Variants in RIOK1 observed in about 807,000 individuals in gnomAD.
The protein encoded by RIOK1 is RIO kinase 1, also known as serine/threonine-protein kinase RIO1.
In RIOK1, 66 loss-of-function variants were observed where a neutral mutation model predicts 73.5. The observed-to-expected ratio is 0.90, with a 90% confidence interval of 0.74 to 1.10. The LOEUF (loss-of-function observed/expected upper bound fraction) is 1.10. Among genes scored for constraint, RIOK1 ranks in the 50% least tolerant of loss-of-function variants. The pLI, the probability that RIOK1 is intolerant of heterozygous loss-of-function variation, is 0.00. For synonymous variants in RIOK1, 224 were observed against 226.8 expected (o/e 0.99, Z 0.11); for missense variants, 658 against 699.8 (o/e 0.94, Z 0.67).
In RIOK1 at chr6:7,412,908, C is replaced by T. The variant is rs753994132; in HGVS notation, c.1409C>T (p.Thr470Ile). ...QQDNILYQTV[T>I]GLKKDLSGVQ... ...TATAAGATTCTATACCAGACTGTTA[C>T]AGGATTGAAGAAAGATTTGTCAGGA... Residue 470 changes from threonine to isoleucine, a missense_variant, in exon 15 of 17, where the codon ACA becomes ATA. Physicochemically the swap from Thr to Ile is moderately conservative, Grantham distance 89 (BLOSUM62 -1). Transcript: ENST00000379834. 2 of 1,545,670 alleles carry T rather than the reference C, an allele frequency of 1.3e-6. No homozygotes were observed. Among genetic ancestry groups the T allele is most frequent in the Non-Finnish European group, 1.7e-6 (2 of 1,148,522 alleles).
chr6:7,397,200 G>T (rs1376305602), intron 4 of RIOK1, among the ~76,000 whole-genome samples: 3 of 152,146 alleles, frequency 2.0e-5, no homozygotes, highest in Non-Finnish European at 2.9e-5. Flanking sequence ...GGAGGTGGAG[G>T]TTGCAGTGAG....
intron 16 of RIOK1, among the ~76,000 whole-genome samples, chr6:7,415,791 C>T (rs115015081): frequency 0.019 from 2,888 of 152,272 alleles, 115 homozygotes; most frequent in African/African-American, 0.064. Flanking sequence ...GAGGCTGCAT[C>T]TGCCAATGAA....
In RIOK1 at chr6:7,406,801, C is replaced by T. The variant is rs551143369; in HGVS notation, c.1203+1446C>T. Among the ~76,000 whole-genome samples, 3 of 152,252 alleles carry T rather than the reference C, an allele frequency of 2.0e-5. No homozygotes were observed. The East Asian group carries it at 5.8e-4, about 29-fold the overall frequency. On this transcript the variant is annotated intron_variant, in intron 12 of 16. Transcript: ENST00000379834. ...TGGCCTCCCTGAGTAGCTGGGACTA[C>T]AGGTGCGAGCCACTACACCCGGCTA...
At chr6:7,409,055 C>T (rs1761821825) in intron 12 of RIOK1, among the ~76,000 whole-genome samples, 1 of 151,674 alleles carries the variant, frequency 6.6e-6, no homozygotes, top group Non-Finnish European at 1.5e-5. Context: ...CGGAGTTTCG[C>T]TCTTGTCACC....
chr6:7,397,228 C>T (rs908029462), intron 4 of RIOK1, among the ~76,000 whole-genome samples: 2 of 152,182 alleles, frequency 1.3e-5, no homozygotes, highest in African/African-American at 4.8e-5. Flanking sequence ...CGTGCCACTG[C>T]ACTCCAGCCT....
In RIOK1 at chr6:7,417,457, A is replaced by G. The variant is rs1762037483; in HGVS notation, c.*16A>G. On this transcript the variant is annotated 3_prime_UTR_variant, in exon 17 of 17. Transcript: ENST00000379834. ...AGGCAAATAGAATGAGAACCATATT[A>G]TGTACAGTCATTTTCCTCAGTTCCT... 13 of 1,424,342 alleles carry G rather than the reference A, an allele frequency of 9.1e-6. No individual in the cohort carries two copies. Among genetic ancestry groups the G allele is most frequent in the Non-Finnish European group, 1.2e-5 (13 of 1,051,074 alleles). 88.2% of individuals were successfully genotyped at this position (1,424,342 alleles called of 1,614,324 possible). A position where few individuals can be genotyped will look rare whatever the true frequency, so the allele number is the denominator to read the frequency against.
rs78739624 is a variant in RIOK1 at position 7,390,104 on chromosome 6, G to T, written c.71+31G>T. On this transcript the variant is annotated intron_variant, in intron 1 of 16. Transcript: ENST00000379834. ...CGGCCGTACAGTGCCCTGGCTCTGG[G>T]TACGGCTCTCTCCTTGACCGCCCCC... 3,101 of 1,545,202 alleles carry T rather than the reference G, an allele frequency of 2.0e-3. 42 individuals carry two copies. In the African/African-American group the frequency reaches 0.037, roughly 18 times the overall value.
intron 12 of RIOK1, among the ~76,000 whole-genome samples, chr6:7,406,654 C>T (rs767184692): frequency 2.0e-5 from 3 of 152,112 alleles, no homozygotes; most frequent in Non-Finnish European, 2.9e-5. Context: ...TAGCATGTGA[C>T]AGGATATCTT....
chr6:7,398,181 C>G (rs1406286695), intron 4 of RIOK1, among the ~76,000 whole-genome samples: 2 of 152,090 alleles, frequency 1.3e-5, no homozygotes, highest in East Asian at 1.9e-4. Context: ...AAACTTGTAT[C>G]TTCTTAGAAA....
intron 15 of RIOK1, 31 bp from the exon 16 acceptor site, chr6:7,414,207 T>G (rs1255805212): frequency 6.3e-7 from 1 of 1,582,152 alleles, no homozygotes; most frequent in Non-Finnish European, 8.6e-7. Flanking sequence ...GTGTGTTGTT[T>G]AGAATAACAT....
intron 4 of RIOK1, 56 bp from the exon 5 acceptor site, chr6:7,398,642 T>C: frequency 7.6e-7 from 1 of 1,309,912 alleles, no homozygotes; most frequent in Non-Finnish European, 1.1e-6. Context: ...TTTAGAAGAT[T>C]TTGGCTTCTC....
At chr6:7,408,295 C>A (rs748224681) in intron 12 of RIOK1, among the ~76,000 whole-genome samples, 6 of 152,226 alleles carry the variant, frequency 3.9e-5, no homozygotes, top group Admixed American at 1.3e-4. Context: ...CCTCGGCCTC[C>A]CAAAGTGCTG....
chr6:7,413,377 C>G (rs1041331707), intron 15 of RIOK1, among the ~76,000 whole-genome samples: 24 of 152,224 alleles, frequency 1.6e-4, no homozygotes, highest in African/African-American at 5.3e-4. Context: ...GTGCTGGATT[C>G]CTGTGATGTT....
In RIOK1 at chr6:7,403,974, A is replaced by G; in HGVS notation, c.801A>G (p.Pro267=). The change falls in exon 9 of 17, where the codon CCA becomes CCG. Residue 267 remains proline (P), a synonymous_variant. Coordinates refer to ENST00000379834, the MANE Select transcript of RIOK1 (RefSeq NM_031480.3). ...LNTAEIPCPE[P]IMLRSHVLVM... ...CAGCAGAGATACCATGTCCAGAACC[A>G]ATAATGCTAAGAAGTCATGTTCTTG... 1.2e-6 allele frequency: 2 copies of G among 1,612,628 alleles called. No homozygotes were observed. The highest frequency in any genetic ancestry group is 1.7e-6 in the Non-Finnish European group (2 of 1,179,140).
intron 14 of RIOK1, 121 bp from the exon 15 acceptor site, chr6:7,412,768 A>G (rs1311590254): frequency 2.3e-6 from 1 of 432,916 alleles, no homozygotes; most frequent in Non-Finnish European, 4.1e-6. Context: ...AATTTTAGAT[A>G]CCTTTTTATA....
In RIOK1 at chr6:7,390,415, G is replaced by T. The variant is rs552284627; in HGVS notation, c.71+342G>T. 4.0e-4 allele frequency among the ~76,000 whole-genome samples: 61 copies of T among 152,274 alleles called. 1 individual carries two copies. Among genetic ancestry groups the T allele is most frequent in the African/African-American group, 1.4e-3 (58 of 41,532 alleles). On this transcript the variant is annotated intron_variant, in intron 1 of 16. Coordinates refer to ENST00000379834, the MANE Select transcript of RIOK1 (RefSeq NM_031480.3). ...TTACTAAGCACTTAATATGTACCAC[G>T]TTCTGTCCTGGGCGCCGGAGGTAAC...
intron 1 of RIOK1, among the ~76,000 whole-genome samples, chr6:7,391,585 C>A (rs1191447486): frequency 6.6e-6 from 1 of 152,190 alleles, no homozygotes. Flanking sequence ...TTACCATCCA[C>A]CCCAGGGTAT....
In RIOK1 at chr6:7,404,356, A is replaced by G; in HGVS notation, c.855-62A>G. 5 of 1,577,532 alleles carry G rather than the reference A, an allele frequency of 3.2e-6. No homozygotes were observed. The Admixed American group carries it at 6.7e-5, about 21-fold the overall frequency. ...GTTGTAGAAGAGAAGGGCATGTAACAGTATAGTAAGAAGCAAGAAAACTTG... is the reference window on the plus strand; with the variant it reads ...GTTGTAGAAGAGAAGGGCATGTAACGGTATAGTAAGAAGCAAGAAAACTTG... On this transcript the variant is annotated intron_variant, in intron 9 of 16. Coordinates refer to ENST00000379834, the MANE Select transcript of RIOK1 (RefSeq NM_031480.3).
intron 12 of RIOK1, among the ~76,000 whole-genome samples, chr6:7,409,339 C>G (rs1408028768): frequency 6.6e-6 from 1 of 151,806 alleles, no homozygotes; most frequent in Non-Finnish European, 1.5e-5. Context: ...ACCACAACCT[C>G]TGCCTCCCGG....
Sources: allele counts gnomAD v4.1 joint callset (sites outside exome capture counted in the v4.1 genomes callset), GRCh38; gene constraint gnomAD v4.1.1; transcripts MANE v1.5; gene names NCBI Gene and HGNC (gene_info 2026-07-23, HGNC 2026-07-21).